Variants in NUP153 observed in about 807,000 individuals in gnomAD.
NUP153 encodes the protein nuclear pore complex protein Nup153.
In NUP153, 27 loss-of-function variants were observed where a neutral mutation model predicts 134.6. The observed-to-expected ratio is 0.20, with a 90% CI of 0.15 to 0.28. The LOEUF (loss-of-function observed/expected upper bound fraction) is 0.28, where lower values mean the gene tolerates loss of function less well. Among genes scored for constraint, NUP153 ranks in the 10% least tolerant of loss-of-function variants. NUP153 has a pLI of 1.00. For missense variants in NUP153, 1,821 were observed against 1,731.3 expected, an observed-to-expected ratio of 1.05 and a Z score of -0.92; for synonymous variants, 640 against 623.5, an observed-to-expected ratio of 1.03 and a Z score of -0.40.
chr6:17,645,261 G>T (rs1024403584), intron 14 of NUP153, among the ~76,000 whole-genome samples: 3 of 144,256 alleles, frequency 2.1e-5, no homozygotes, highest in Non-Finnish European at 3.0e-5. Context: ...AAAAAAAAAA[G>T]AATTCTATGT....
intron 14 of NUP153, among the ~76,000 whole-genome samples, chr6:17,642,580 G>A (rs929247947): frequency 9.9e-5 from 15 of 152,208 alleles, no homozygotes; most frequent in African/African-American, 3.1e-4. Context: ...GTTGTATACT[G>A]CTAATGGTAA....
At chr6:17,656,373 T>C (rs553729233) in intron 11 of NUP153, among the ~76,000 whole-genome samples, 234 of 152,224 alleles carry the variant, frequency 1.5e-3, no homozygotes, top group African/African-American at 5.3e-3. Context: ...TTGGCCAGAA[T>C]GAAGAGAAGA....
chr6:17,637,871 C>CT (rs1236541085), intron 15 of NUP153, 101 bp from the exon 16 acceptor site: 1 of 1,270,216 alleles, frequency 7.9e-7, no homozygotes, highest in African/African-American at 1.5e-5. Context: ...TCACTGCACA[C>CT]TTACTACAAT....
intron 1 of NUP153, among the ~76,000 whole-genome samples, chr6:17,699,572 C>G (rs1769912245): frequency 6.6e-6 from 1 of 151,854 alleles, no homozygotes; most frequent in Non-Finnish European, 1.5e-5. Flanking sequence ...CAAGGTGGCT[C>G]ACGCCTGTAA....
At chr6:17,678,680 A>T (rs1200803025) in intron 2 of NUP153, among the ~76,000 whole-genome samples, 3 of 152,138 alleles carry the variant, frequency 2.0e-5, no homozygotes, top group Non-Finnish European at 2.9e-5. Flanking sequence ...ACAGTGGCTC[A>T]CGCCTGTAGT....
At chr6:17,620,330 A>C (rs1357196152) in intron 20 of NUP153, among the ~76,000 whole-genome samples, 1 of 152,184 alleles carries the variant, frequency 6.6e-6, no homozygotes, top group Non-Finnish European at 1.5e-5. Context: ...AGAATTCAGA[A>C]ACAAATCCAC....
At chr6:17,697,901 A>G (rs1769768634) in intron 1 of NUP153, among the ~76,000 whole-genome samples, 1 of 152,218 alleles carries the variant, frequency 6.6e-6, no homozygotes. Context: ...AACCAGAGGC[A>G]TCTTTTCAGT....
intron 1 of NUP153, among the ~76,000 whole-genome samples, chr6:17,689,492 C>A (rs1769150647): frequency 6.6e-6 from 1 of 151,074 alleles, no homozygotes; most frequent in Non-Finnish European, 1.5e-5. Flanking sequence ...TTCACTACAG[C>A]AAATGTTGGC....
At position 17,665,300 on chromosome 6, in the gene NUP153, G is replaced by A. The variant is rs2113821127; in HGVS notation, c.1154C>T (p.Pro385Leu). Residue 385 changes from proline to leucine, a missense_variant, in exon 9 of 22, where the codon CCA becomes CTA. Transcript: ENST00000262077. ...IATNRSVYFK[P>L]SLTPSGEFRK... ...GAATTCACCAGAAGGAGTCAGAGAT[G>A]GTTTAAAATAAACACTTCGATTTGT... 1 of 1,612,338 alleles carries A rather than the reference G, an allele frequency of 6.2e-7. No individual in the cohort carries two copies. Among genetic ancestry groups the A allele is most frequent in the Non-Finnish European group, 8.5e-7 (1 of 1,178,566 alleles).
chr6:17,657,011 T>C (rs1204889490), intron 11 of NUP153, among the ~76,000 whole-genome samples: 1 of 152,202 alleles, frequency 6.6e-6, no homozygotes, highest in Non-Finnish European at 1.5e-5. Flanking sequence ...TTATCTGCCA[T>C]CTTGTAAGTT....
At chr6:17,631,822 C>T (rs971199336) in intron 17 of NUP153, among the ~76,000 whole-genome samples, 2 of 152,116 alleles carry the variant, frequency 1.3e-5, no homozygotes, top group Non-Finnish European at 2.9e-5. Context: ...AAAAAATTAG[C>T]TAGGCGTGGT....
At chr6:17,648,454 T>C (rs1011494585) in intron 12 of NUP153, among the ~76,000 whole-genome samples, 4 of 151,900 alleles carry the variant, frequency 2.6e-5, no homozygotes, top group African/African-American at 9.7e-5. Context: ...CTGTCTCTAC[T>C]AAAAATACAA....
intron 20 of NUP153, 36 bp downstream of exon 20, chr6:17,624,525 C>T: frequency 6.2e-7 from 1 of 1,600,166 alleles, no homozygotes; most frequent in East Asian, 2.2e-5. Flanking sequence ...ACACACAAAA[C>T]CCATACAGAT....
rs754906279 is a variant in NUP153 at position 17,675,632 on chromosome 6, A to G, written c.473T>C (p.Ile158Thr). 2.4e-5 allele frequency: 38 copies of G among 1,614,080 alleles called. No individual in the cohort carries two copies. The highest frequency in any genetic ancestry group is 1.6e-4 in the Middle Eastern group (1 of 6,084). Residue 158 changes from isoleucine to threonine, a missense_variant, in exon 3 of 22, where the codon ATT (isoleucine) becomes ACT (threonine). Physicochemically the swap from Ile to Thr is moderately conservative, Grantham distance 89. Transcript: ENST00000262077. This position sits in a 1 kb window ranked among gnomAD's most constrained non-coding sequence, Gnocchi z 4.4. ...CQPSTSSAFP[I>T]GSSGFSLVKE... Reference sequence around the variant, plus strand: ...TACAAGGGAAAATCCCGAACTGCCAATTGGGAATGCCGAGGATGTAGATGG... The same window carrying G: ...TACAAGGGAAAATCCCGAACTGCCAGTTGGGAATGCCGAGGATGTAGATGG...
At chr6:17,654,874 CATA>C (rs34644936) in intron 11 of NUP153, among the ~76,000 whole-genome samples, 32,517 of 151,988 alleles carry the variant, frequency 0.21, 4,015 homozygotes, top group Non-Finnish European at 0.27. Flanking sequence ...AGATATATGG[CATA>C]ATACCATACA....
At chr6:17,690,270 T>TGAACCCAGGTGGCGTAGCTTGCAGTGA (rs1554146521) in intron 1 of NUP153, among the ~76,000 whole-genome samples, 5 of 151,404 alleles carry the variant, frequency 3.3e-5, no homozygotes, top group Non-Finnish European at 7.4e-5. Flanking sequence ...GAGAATGGCG[T>TGAACCCAGGTGGCGTAGCTTGCAGTGA]GAACCCGGGT....
chr6:17,656,587 G>C (rs1415069384), intron 11 of NUP153, among the ~76,000 whole-genome samples: 1 of 152,072 alleles, frequency 6.6e-6, no homozygotes, highest in Admixed American at 6.6e-5. Flanking sequence ...ATGTTGCTCA[G>C]GCTAATCTCA....
chr6:17,658,883 A>T lies in NUP153; in HGVS notation c.1395+2770T>A, dbSNP rs545841024. Among the ~76,000 whole-genome samples, 4 of 152,222 alleles carry T rather than the reference A, an allele frequency of 2.6e-5. No homozygotes were observed. The East Asian group carries it at 7.7e-4, about 29-fold the overall frequency. ...TTCCAAAGCCAAACTTGCACACAAA[A>T]AAAGGCCATGGTCACTGTCTGGTGG... On this transcript the variant is annotated intron_variant, in intron 11 of 21. Coordinates refer to ENST00000262077, the MANE Select transcript of NUP153 (RefSeq NM_005124.4).
chr6:17,663,945 C>A (rs1330215354), intron 9 of NUP153, among the ~76,000 whole-genome samples: 3 of 151,934 alleles, frequency 2.0e-5, no homozygotes, highest in African/African-American at 7.3e-5. Context: ...CACACAAACA[C>A]ACAAAAAAAC....
Sources: gnomAD v4.1 joint callset for allele counts (sites outside exome capture counted in the v4.1 genomes callset) on GRCh38, gnomAD v4.1.1 for gene constraint, Gnocchi (gnomAD v3.1) non-coding constraint, MANE v1.5 for transcripts, NCBI Gene and HGNC (gene_info 2026-07-23, HGNC 2026-07-21) for gene names.